SORL1: variants seen among roughly 807,000 people sequenced by gnomAD.
SORL1 encodes the protein sortilin-related receptor.
Under a neutral mutation model 273.7 loss-of-function variants are expected in SORL1, and 127 were observed. The observed-to-expected ratio is 0.46, with a 90% confidence interval of 0.40 to 0.54. The LOEUF (loss-of-function observed/expected upper bound fraction) is 0.54, where lower values mean the gene tolerates loss of function less well. Ranked by LOEUF, SORL1 falls within the 20% of genes least tolerant of loss-of-function variation. SORL1 has a pLI of 0.00. For missense variants in SORL1, 2,494 were observed against 2,846.1 expected, an observed-to-expected ratio of 0.88 and a Z score of 2.81; for synonymous variants, 1,031 against 1,067.4, an observed-to-expected ratio of 0.97 and a Z score of 0.66.
chr11:121,579,519 TTTTTAAACGTGTACATCTGA>T (rs1283689279), intron 25 of SORL1, among the ~76,000 whole-genome samples: 1 of 152,202 alleles, frequency 6.6e-6, no homozygotes, highest in African/African-American at 2.4e-5. Flanking sequence ...ACCGCTATTG[TTTTTAAACGTGTACATCTGA>T]TTTCTGTGTG....
chr11:121,456,615 A>G (rs1004180922), intron 1 of SORL1, among the ~76,000 whole-genome samples: 1 of 152,142 alleles, frequency 6.6e-6, no homozygotes, highest in African/African-American at 2.4e-5. Context: ...AAGAGCTTGG[A>G]TTCTATTTTA....
chr11:121,584,177 T>A (rs1863057583), intron 26 of SORL1, among the ~76,000 whole-genome samples: 1 of 152,242 alleles, frequency 6.6e-6, no homozygotes, highest in Non-Finnish European at 1.5e-5. Context: ...AGTATGGAGT[T>A]GTAAGGTGAA....
At chr11:121,538,280 T>G (rs945570784) in intron 12 of SORL1, among the ~76,000 whole-genome samples, 1 of 152,054 alleles carries the variant, frequency 6.6e-6, no homozygotes, top group Non-Finnish European at 1.5e-5. Context: ...CATGTCAAGA[T>G]GTAGAGTATT....
chr11:121,553,200 CCT>C (rs1260227250), intron 16 of SORL1, among the ~76,000 whole-genome samples: 2 of 152,136 alleles, frequency 1.3e-5, no homozygotes, highest in Non-Finnish European at 2.9e-5. Flanking sequence ...AGTTACTTAA[CCT>C]CTCTGGTCTC....
At position 121,622,217 on chromosome 11, in the gene SORL1, T is replaced by C. The variant is rs369514502; in HGVS notation, c.6120T>C (p.Leu2040=). Residue 2040 remains leucine (L), a synonymous_variant, in exon 45 of 48, where the codon CTT becomes CTC. Coordinates refer to ENST00000260197, the MANE Select transcript of SORL1 (RefSeq NM_003105.6). ...TCATAACAGAAAATGATCATGTTCTTCTGTTTTGGAAAAGCCTGGCTTTAA... is the reference window on the plus strand; with the variant it reads ...TCATAACAGAAAATGATCATGTTCTCCTGTTTTGGAAAAGCCTGGCTTTAA... ...LKIITENDHV[L]LFWKSLALKE... 6.2e-7 allele frequency: 1 copy of C among 1,612,988 alleles called. No homozygotes were observed. Among genetic ancestry groups the C allele is most frequent in the African/African-American group, 1.3e-5 (1 of 74,922 alleles).
chr11:121,542,142 C>A (rs1862357513), intron 12 of SORL1, among the ~76,000 whole-genome samples: 1 of 152,136 alleles, frequency 6.6e-6, no homozygotes, highest in African/African-American at 2.4e-5. Context: ...CATCATGCTC[C>A]CTCACAGCTA....
intron 21 of SORL1, among the ~76,000 whole-genome samples, chr11:121,561,205 G>C (rs1416681962): frequency 1.3e-5 from 2 of 152,190 alleles, no homozygotes; most frequent in Non-Finnish European, 1.5e-5. Flanking sequence ...GCACACAGGA[G>C]CTTCTGAAAC....
At chr11:121,585,588 C>A (rs1456849811) in intron 26 of SORL1, among the ~76,000 whole-genome samples, 3 of 151,532 alleles carry the variant, frequency 2.0e-5, no homozygotes, top group African/African-American at 7.3e-5. Flanking sequence ...AAGATATAAT[C>A]TCTCAGGTGT....
chr11:121,564,603 C>T (rs2134917992), intron 21 of SORL1, among the ~76,000 whole-genome samples: 1 of 152,160 alleles, frequency 6.6e-6, no homozygotes, highest in South Asian at 2.1e-4. Flanking sequence ...TTGAGACAGG[C>T]TCTGGCTCTG....
intron 21 of SORL1, among the ~76,000 whole-genome samples, chr11:121,562,339 T>C (rs1422383383): frequency 6.6e-6 from 1 of 152,240 alleles, no homozygotes; most frequent in Non-Finnish European, 1.5e-5. Flanking sequence ...CGGGACTTTC[T>C]ACAGTAGTCT....
chr11:121,559,771 C>T, intron 21 of SORL1, 114 bp downstream of exon 21: 1 of 820,508 alleles, frequency 1.2e-6, no homozygotes, highest in Non-Finnish European at 1.9e-6. Flanking sequence ...GTTGTCACGA[C>T]AACATGCACA....
chr11:121,516,495 T>A (rs1861954328), intron 8 of SORL1, among the ~76,000 whole-genome samples: 1 of 152,170 alleles, frequency 6.6e-6, no homozygotes, highest in Non-Finnish European at 1.5e-5. Flanking sequence ...GGGACTTACC[T>A]GGTTGGAGAG....
intron 7 of SORL1, among the ~76,000 whole-genome samples, chr11:121,513,509 G>A (rs2134845251): frequency 6.6e-6 from 1 of 152,338 alleles, no homozygotes; most frequent in Non-Finnish European, 1.5e-5. Context: ...ACAGGCTGGA[G>A]AGACTAAAAA....
At chr11:121,511,720 T>G (rs934511505) in intron 6 of SORL1, among the ~76,000 whole-genome samples, 2 of 152,244 alleles carry the variant, frequency 1.3e-5, no homozygotes, top group Non-Finnish European at 2.9e-5. Flanking sequence ...GATTTGAATG[T>G]CTGCTGCTCA....
intron 34 of SORL1, 45 bp from the exon 35 acceptor site, chr11:121,605,357 C>G: frequency 6.3e-7 from 1 of 1,589,540 alleles, no homozygotes; most frequent in Non-Finnish European, 8.6e-7. Flanking sequence ...CTCAGCCCCC[C>G]ATGCTGCTCC....
chr11:121,593,399 T>C (rs1435879968), intron 31 of SORL1, among the ~76,000 whole-genome samples: 2 of 152,254 alleles, frequency 1.3e-5, no homozygotes, highest in Non-Finnish European at 2.9e-5. Context: ...AGGATAACTT[T>C]CCACAGGTCA....
chr11:121,590,085 G>A lies in SORL1; in HGVS notation c.4124G>A (p.Arg1375Gln), dbSNP rs138963614. 1.9e-5 allele frequency: 31 copies of A among 1,614,148 alleles called. No homozygotes were observed. Among genetic ancestry groups the A allele is most frequent in the Non-Finnish European group, 2.5e-5 (29 of 1,180,018 alleles). ...APNCSRYFQF[R>Q]CENGHCIPNR... Reference sequence around the variant, plus strand: ...AACTGCTCCCGCTACTTCCAGTTTCGGTGTGAGAATGGCCACTGCATCCCC... The same window carrying A: ...AACTGCTCCCGCTACTTCCAGTTTCAGTGTGAGAATGGCCACTGCATCCCC... Residue 1375 changes from arginine (R) to glutamine (Q), a missense_variant, in exon 30 of 48, where the codon CGG becomes CAG. Around this residue, in one of 3 missense-constraint regions of SORL1, gnomAD observed 1,609 missense variants for 1,816.4 expected, o/e 0.89. Transcript: ENST00000260197.
rs12278557 is a variant in SORL1 at position 121,543,791 on chromosome 11, C to T, written c.1864+65C>T. ...CGTGGACTTCCTGTTATGTGCAAAG[C>T]ACCAGCTTAGATACTGTGTACTCAG... On this transcript the variant is annotated intron_variant, in intron 13 of 47. Transcript: ENST00000260197. 1.4e-3 allele frequency: 2,118 copies of T among 1,462,344 alleles called. 26 individuals are homozygous for T. In the African/African-American group the frequency reaches 0.023, roughly 16 times the overall value. The allele number at this position is 1,462,344 out of a possible 1,614,324, so 90.6% of individuals were successfully genotyped here.
intron 32 of SORL1, among the ~76,000 whole-genome samples, chr11:121,597,811 C>T (rs1863321778): frequency 6.6e-6 from 1 of 152,146 alleles, no homozygotes; most frequent in African/African-American, 2.4e-5. Flanking sequence ...AGCTATCCTA[C>T]AGTGTGGTGT....
Sources: allele counts gnomAD v4.1 joint callset (sites outside exome capture counted in the v4.1 genomes callset), GRCh38; gene constraint gnomAD v4.1.1; regional missense constraint gnomAD v4.1.1; transcripts MANE v1.5; gene names NCBI Gene and HGNC (gene_info 2026-07-23, HGNC 2026-07-21).